NAV2: variants seen among roughly 807,000 people sequenced by gnomAD.
The protein encoded by NAV2 is helicase, APC down-regulated 1.
NAV2 carries 54 observed loss-of-function variants against 223.2 expected under a neutral mutation model. The observed-to-expected ratio is 0.24, with a 90% CI of 0.19 to 0.30. The LOEUF (loss-of-function observed/expected upper bound fraction) is 0.30, where lower values mean the gene tolerates loss of function less well. NAV2 is among the 10% of genes least tolerant of loss of function. The probability of loss-of-function intolerance (pLI) is 1.00; values close to 1 mark genes in which losing one functional copy is unlikely to be tolerated. For missense variants in NAV2, 2,806 were observed against 3,147.5 expected (o/e 0.89, Z 2.60); for synonymous variants, 1,279 against 1,239.3 (o/e 1.03, Z -0.67).
At chr11:19,624,991 C>T (rs186620381) in intron 1 of NAV2, among the ~76,000 whole-genome samples, 1 of 152,264 alleles carries the variant, frequency 6.6e-6, no homozygotes, top group African/African-American at 2.4e-5. Flanking sequence ...TGTTTTGATA[C>T]ATATAATGTA....
intron 1 of NAV2, among the ~76,000 whole-genome samples, chr11:19,691,387 T>C (rs903215475): frequency 7.9e-5 from 12 of 152,214 alleles, no homozygotes; most frequent in African/African-American, 2.7e-4. Flanking sequence ...TTTTTTTCCT[T>C]CCAAAATCTT....
At chr11:19,817,984 C>T (rs571742536) in intron 1 of NAV2, among the ~76,000 whole-genome samples, 55 of 152,242 alleles carry the variant, frequency 3.6e-4, no homozygotes, top group African/African-American at 1.3e-3. Context: ...CATCTCCAAG[C>T]CTTCTTGCCC....
intron 1 of NAV2, among the ~76,000 whole-genome samples, chr11:19,683,360 T>C (rs2048929756): frequency 6.6e-6 from 1 of 152,256 alleles, no homozygotes; most frequent in South Asian, 2.1e-4. Flanking sequence ...TGATGTGTTT[T>C]CTTAAAAGAG....
chr11:19,942,664 A>T (rs1192439460), intron 8 of NAV2, among the ~76,000 whole-genome samples: 1 of 152,212 alleles, frequency 6.6e-6, no homozygotes, highest in Non-Finnish European at 1.5e-5. Flanking sequence ...AAAAGGAAAG[A>T]TGAGACACCA....
At chr11:19,413,337 C>T (rs2729899) in intron 1 of NAV2, among the ~76,000 whole-genome samples, 100,475 of 151,820 alleles carry the variant, frequency 0.66, 33,637 homozygotes, top group South Asian at 0.72. Context: ...GATTGAGGAT[C>T]AACTTAATGA....
chr11:19,740,126 G>A (rs534062639), intron 1 of NAV2, among the ~76,000 whole-genome samples: 84 of 152,284 alleles, frequency 5.5e-4, no homozygotes, highest in African/African-American at 1.8e-3. Flanking sequence ...TGACATGCTG[G>A]AAGGGATCTC....
chr11:19,475,665 T>C (rs534374740), intron 1 of NAV2, among the ~76,000 whole-genome samples: 1 of 152,236 alleles, frequency 6.6e-6, no homozygotes, highest in Admixed American at 6.5e-5. Flanking sequence ...CTGACCTGCC[T>C]GGTTCTGCCT....
chr11:20,106,231 GC>G (rs2062091309), intron 35 of NAV2, among the ~76,000 whole-genome samples: 2 of 75,834 alleles, frequency 2.6e-5, no homozygotes, highest in African/African-American at 1.1e-4. Flanking sequence ...ATATATATAT[GC>G]TTTATGAAGT....
chr11:19,623,585 A>G (rs1314547169), intron 1 of NAV2, among the ~76,000 whole-genome samples: 1 of 152,200 alleles, frequency 6.6e-6, no homozygotes, highest in African/African-American at 2.4e-5. Context: ...CATTTGTCAC[A>G]TAGTTCTCAT....
intron 1 of NAV2, among the ~76,000 whole-genome samples, chr11:19,670,382 C>T (rs912791388): frequency 6.6e-6 from 1 of 152,250 alleles, no homozygotes; most frequent in Non-Finnish European, 1.5e-5. Flanking sequence ...CTCCTCACTG[C>T]TGCATCTCCG....
intron 6 of NAV2, among the ~76,000 whole-genome samples, chr11:19,910,249 A>G (rs1276854837): frequency 6.6e-6 from 1 of 152,206 alleles, no homozygotes; most frequent in Non-Finnish European, 1.5e-5. Context: ...TTTAACCCTC[A>G]TGCTATCATA....
chr11:19,582,694 C>T (rs1007338696), intron 1 of NAV2, among the ~76,000 whole-genome samples: 12 of 152,094 alleles, frequency 7.9e-5, no homozygotes, highest in African/African-American at 2.9e-4. Context: ...GGCATTATTT[C>T]TGAGGGCTCT....
chr11:19,451,765 G>A (rs1291412536), intron 1 of NAV2, among the ~76,000 whole-genome samples: 1 of 152,188 alleles, frequency 6.6e-6, no homozygotes, highest in African/African-American at 2.4e-5. Flanking sequence ...GAGTTCTAGA[G>A]GAAGGAACAG....
At chr11:19,587,560 A>T (rs533456395) in intron 1 of NAV2, among the ~76,000 whole-genome samples, 1 of 152,154 alleles carries the variant, frequency 6.6e-6, no homozygotes, top group Non-Finnish European at 1.5e-5. Flanking sequence ...AGTTCATTTT[A>T]TCAGGGCTTT....
chr11:19,725,611 T>C (rs928929885), intron 1 of NAV2, among the ~76,000 whole-genome samples: 1 of 152,208 alleles, frequency 6.6e-6, no homozygotes, highest in East Asian at 1.9e-4. Flanking sequence ...CTTTGGTCCT[T>C]GCCTCTCACT....
At chr11:19,726,266 A>C (rs2051235638) in intron 1 of NAV2, among the ~76,000 whole-genome samples, 1 of 152,164 alleles carries the variant, frequency 6.6e-6, no homozygotes, top group African/African-American at 2.4e-5. Flanking sequence ...CTAAAAAAGG[A>C]GGGGCTGAAA....
At chr11:20,097,016 T>C (rs1197713585) in intron 30 of NAV2, among the ~76,000 whole-genome samples, 1 of 152,242 alleles carries the variant, frequency 6.6e-6, no homozygotes. Context: ...TCCTAGTACA[T>C]GGACCTTAGT....
chr11:20,106,626 G>GTTGTTT lies in NAV2; in HGVS notation c.6841+926_6841+931dup, dbSNP rs537124623. On this transcript the variant is annotated intron_variant, in intron 35 of 37. Coordinates refer to ENST00000349880, the MANE Select transcript of NAV2 (RefSeq NM_145117.5). The stretch of plus-strand genomic sequence containing the variant: ...GAGCATTCTTTGTTGCTACTCAGTT[G>GTTGTTT]TTGTTTTTGTTTTTGTTTTTGTTTT... Among the ~76,000 whole-genome samples the GTTGTTT allele has an allele frequency of 1.9e-3, 286 of 149,608 alleles. 2 individuals carry two copies. The highest frequency in any genetic ancestry group is 5.8e-3 in the African/African-American group (234 of 40,680).
chr11:19,963,893 T>C (rs901907566), intron 10 of NAV2, among the ~76,000 whole-genome samples: 2 of 152,200 alleles, frequency 1.3e-5, no homozygotes, highest in Non-Finnish European at 2.9e-5. Context: ...CTTACCGCGA[T>C]GTGGCTTCCT....
Sources: allele counts gnomAD v4.1 joint callset (sites outside exome capture counted in the v4.1 genomes callset), GRCh38; gene constraint gnomAD v4.1.1; transcripts MANE v1.5; gene names NCBI Gene and HGNC (gene_info 2026-07-23, HGNC 2026-07-21).